Variants in CHODL observed in about 807,000 individuals in gnomAD.
CHODL encodes transmembrane protein MT75.
In CHODL, 29 loss-of-function variants were observed where a neutral mutation model predicts 34.5. The ratio of observed to expected loss-of-function variants is 0.84; its 90% CI spans 0.63 to 1.15. The LOEUF (loss-of-function observed/expected upper bound fraction) is 1.15, where lower values mean the gene tolerates loss of function less well. Among genes scored for constraint, CHODL ranks in the 50% most tolerant of loss-of-function variants. CHODL has a pLI of 0.00. For synonymous variants in CHODL, 125 were observed against 116.1 expected (o/e 1.08, Z -0.49); for missense variants, 332 against 332.5 (o/e 1.00, Z 0.01).
intron 1 of CHODL, among the ~76,000 whole-genome samples, chr21:17,924,212 T>G (rs2824553): frequency 0.3 from 45,878 of 152,068 alleles, 8,467 homozygotes; most frequent in South Asian, 0.47. Flanking sequence ...GCTGTGTGAA[T>G]GCAGAAAAGA....
At chr21:18,260,853 A>G (rs1439548344) in intron 4 of CHODL, among the ~76,000 whole-genome samples, 1 of 150,940 alleles carries the variant, frequency 6.6e-6, no homozygotes, top group African/African-American at 2.5e-5. Context: ...ACAACAAAAA[A>G]ACACCACCAA....
chr21:17,942,217 A>G (rs193189716), intron 1 of CHODL, among the ~76,000 whole-genome samples: 27 of 152,354 alleles, frequency 1.8e-4, no homozygotes, highest in Admixed American at 9.1e-4. Context: ...ATGTTTAAAC[A>G]TAGTATAATA....
At chr21:18,265,261 GTA>G (rs200675808) in intron 5 of CHODL, among the ~76,000 whole-genome samples, 10,113 of 136,538 alleles carry the variant, frequency 0.074, 399 homozygotes, top group Middle Eastern at 0.11. Context: ...ATATATATGT[GTA>G]TATATATATG....
chr21:17,990,235 T>C (rs2063786342), intron 1 of CHODL, among the ~76,000 whole-genome samples: 1 of 152,082 alleles, frequency 6.6e-6, no homozygotes, highest in Non-Finnish European at 1.5e-5. Context: ...ATATATCTCC[T>C]CTCTTTGCTT....
intron 2 of CHODL, among the ~76,000 whole-genome samples, chr21:18,156,172 T>C (rs896345465): frequency 6.6e-6 from 1 of 152,230 alleles, no homozygotes; most frequent in African/African-American, 2.4e-5. Context: ...GAAGAAATTT[T>C]GCACGGGTAA....
chr21:18,123,491 C>T (rs2065505476), intron 2 of CHODL, among the ~76,000 whole-genome samples: 1 of 152,208 alleles, frequency 6.6e-6, no homozygotes, highest in East Asian at 1.9e-4. Context: ...ACATATTCCT[C>T]ATTGTTTTGG....
chr21:17,968,267 C>T (rs1026772539), intron 1 of CHODL, among the ~76,000 whole-genome samples: 1 of 152,184 alleles, frequency 6.6e-6, no homozygotes, highest in Non-Finnish European at 1.5e-5. Context: ...AAGCCAGGGG[C>T]TTATCCATGT....
chr21:18,168,589 T>C (rs2073185944), intron 2 of CHODL, among the ~76,000 whole-genome samples: 1 of 152,256 alleles, frequency 6.6e-6, no homozygotes, highest in Non-Finnish European at 1.5e-5. Flanking sequence ...GAAATATCTA[T>C]ATTCAAATAG....
intron 2 of CHODL, among the ~76,000 whole-genome samples, chr21:18,100,204 G>GTCAAATATCTAACATT (rs1914619815): frequency 2.0e-5 from 3 of 152,058 alleles, no homozygotes; most frequent in Admixed American, 2.0e-4. Context: ...TATCTAACAT[G>GTCAAATATCTAACATT]TTGAATCAAC....
At chr21:18,110,806 C>T (rs2065339840) in intron 2 of CHODL, among the ~76,000 whole-genome samples, 1 of 152,172 alleles carries the variant, frequency 6.6e-6, no homozygotes, top group African/African-American at 2.4e-5. Flanking sequence ...ATGCAGTGTG[C>T]TCAAGATTCT....
intron 2 of CHODL, among the ~76,000 whole-genome samples, chr21:18,183,945 C>T (rs1362439838): frequency 6.6e-6 from 1 of 151,936 alleles, no homozygotes; most frequent in African/African-American, 2.4e-5. Context: ...AAACACATTC[C>T]CCATGACTTT....
chr21:18,090,258 T>C (rs2065055775), intron 2 of CHODL, among the ~76,000 whole-genome samples: 1 of 152,132 alleles, frequency 6.6e-6, no homozygotes, highest in African/African-American at 2.4e-5. Flanking sequence ...TACAGTAATG[T>C]TAGGAGCTGA....
At chr21:18,107,391 A>C (rs2065286490) in intron 2 of CHODL, among the ~76,000 whole-genome samples, 1 of 152,204 alleles carries the variant, frequency 6.6e-6, no homozygotes, top group Non-Finnish European at 1.5e-5. Flanking sequence ...TTCCCTTGGA[A>C]AGACAAATGC....
chr21:17,936,280 T>C (rs1196216169), intron 1 of CHODL, among the ~76,000 whole-genome samples: 1 of 152,148 alleles, frequency 6.6e-6, no homozygotes, highest in Non-Finnish European at 1.5e-5. Context: ...TGGTGACTGA[T>C]GGGTTACGAG....
chr21:18,079,749 C>A (rs1461941039), intron 2 of CHODL, among the ~76,000 whole-genome samples: 1 of 87,794 alleles, frequency 1.1e-5, no homozygotes, highest in Non-Finnish European at 3.5e-5. Context: ...TGTAATAATA[C>A]CTACTCGTGT....
At chr21:18,119,669 A>G (rs2065456474) in intron 2 of CHODL, among the ~76,000 whole-genome samples, 1 of 152,184 alleles carries the variant, frequency 6.6e-6, no homozygotes, top group Non-Finnish European at 1.5e-5. Flanking sequence ...GAAAGCTGCC[A>G]ATAACTCAGG....
intron 2 of CHODL, among the ~76,000 whole-genome samples, chr21:18,199,690 T>A (rs1298412110): frequency 6.6e-6 from 1 of 152,180 alleles, no homozygotes; most frequent in East Asian, 1.9e-4. Flanking sequence ...TATTACATAA[T>A]GTCATATAGT....
intron 2 of CHODL, among the ~76,000 whole-genome samples, chr21:18,104,161 A>G (rs1007197116): frequency 1.3e-5 from 2 of 152,192 alleles, no homozygotes; most frequent in African/African-American, 2.4e-5. Flanking sequence ...GAGCATTCAA[A>G]ATAGCAGTGA....
intron 2 of CHODL, among the ~76,000 whole-genome samples, chr21:18,034,290 T>C (rs891267644): frequency 2.6e-5 from 4 of 152,064 alleles, no homozygotes; most frequent in African/African-American, 7.2e-5. Flanking sequence ...GTTTCTCTTC[T>C]CTGTGCACCA....
Sources: gnomAD v4.1 joint callset for allele counts (sites outside exome capture counted in the v4.1 genomes callset) on GRCh38, gnomAD v4.1.1 for gene constraint, MANE v1.5 for transcripts, NCBI Gene and HGNC (gene_info 2026-07-23, HGNC 2026-07-21) for gene names.